Variants in MACROD2 observed in about 807,000 individuals in gnomAD.
MACROD2 encodes the protein ADP-ribose glycohydrolase MACROD2.
A neutral mutation model predicts 70.4 loss-of-function variants in MACROD2; 36 were observed. The ratio of observed to expected loss-of-function variants is 0.51; its 90% CI spans 0.39 to 0.68. MACROD2 has a LOEUF of 0.68. MACROD2 is among the 30% of genes least tolerant of loss of function. MACROD2 has a pLI of 0.00. For missense variants in MACROD2, 496 were observed against 538.4 expected, an observed-to-expected ratio of 0.92 and a Z score of 0.78; for synonymous variants, 172 against 178.8, an observed-to-expected ratio of 0.96 and a Z score of 0.30.
chr20:15,073,503 ACACACACG>A (rs1184393238), intron 5 of MACROD2, among the ~76,000 whole-genome samples: 11 of 147,760 alleles, frequency 7.4e-5, no homozygotes, highest in Non-Finnish European at 1.5e-4. Flanking sequence ...ACACACACAC[ACACACACG>A]TACCACATTT....
chr20:15,312,128 A>G (rs2077759925), intron 6 of MACROD2, among the ~76,000 whole-genome samples: 1 of 152,210 alleles, frequency 6.6e-6, no homozygotes, highest in Non-Finnish European at 1.5e-5. Flanking sequence ...GTGTCAGACT[A>G]GAGAGACTAT....
intron 3 of MACROD2, among the ~76,000 whole-genome samples, chr20:14,454,706 C>T (rs111833167): frequency 1.5e-4 from 22 of 151,304 alleles, no homozygotes; most frequent in African/African-American, 4.8e-4. Context: ...TGATTTGTCC[C>T]TGCTACTCAG....
intron 6 of MACROD2, among the ~76,000 whole-genome samples, chr20:15,284,677 C>T (rs947501126): frequency 4.6e-5 from 7 of 152,040 alleles, no homozygotes; most frequent in African/African-American, 1.2e-4. Context: ...GAAAATTTTG[C>T]GAGTTGCCTA....
intron 3 of MACROD2, among the ~76,000 whole-genome samples, chr20:14,385,586 C>T (rs1293352999): frequency 2.0e-5 from 3 of 152,082 alleles, no homozygotes; most frequent in Non-Finnish European, 2.9e-5. Flanking sequence ...TATCTGTTTC[C>T]TTAACTGATT....
At chr20:15,215,096 G>C (rs175267) in intron 5 of MACROD2, among the ~76,000 whole-genome samples, 1 of 151,980 alleles carries the variant, frequency 6.6e-6, no homozygotes, top group Non-Finnish European at 1.5e-5. Flanking sequence ...GTAAATCCAT[G>C]TTTATTTAAA....
intron 6 of MACROD2, among the ~76,000 whole-genome samples, chr20:15,282,809 G>A (rs920942080): frequency 3.3e-5 from 5 of 152,090 alleles, no homozygotes; most frequent in African/African-American, 1.2e-4. Context: ...CACATTCTGG[G>A]TATCTTTATT....
rs138228721 is a variant in MACROD2 at position 15,054,567 on chromosome 20, A to G, written c.419-175373A>G. Reference sequence around the variant, plus strand: ...TATTGCACCCTTAATCAGCTACAGTATACTACACACACAACTTTGATATAT... The same window carrying G: ...TATTGCACCCTTAATCAGCTACAGTGTACTACACACACAACTTTGATATAT... On this transcript the variant is annotated intron_variant, in intron 5 of 17. Transcript: ENST00000684519. Among the ~76,000 whole-genome samples, 624 of 152,300 alleles carry G rather than the reference A, an allele frequency of 4.1e-3. 5 individuals are homozygous for G. Among genetic ancestry groups the G allele is most frequent in the African/African-American group, 0.015 (604 of 41,562 alleles).
intron 7 of MACROD2, among the ~76,000 whole-genome samples, chr20:15,482,263 T>C (rs1446040753): frequency 3.9e-5 from 6 of 152,304 alleles, no homozygotes; most frequent in Middle Eastern, 3.4e-3. Context: ...CTAATAAGTA[T>C]GGTATAATAA....
rs147141000 is a variant in MACROD2 at position 14,140,958 on chromosome 20, T to C, written c.271+55230T>C. 7.1e-3 allele frequency among the ~76,000 whole-genome samples: 1,077 copies of C among 152,328 alleles called. 12 individuals are homozygous for C. Among genetic ancestry groups the C allele is most frequent in the African/African-American group, 0.025 (1,021 of 41,576 alleles). ...GCAGTTACTGTGATGAAGTTGATCATATTAGAGAGTCATTCAGGATACCTG... is the reference window on the plus strand; with the variant it reads ...GCAGTTACTGTGATGAAGTTGATCACATTAGAGAGTCATTCAGGATACCTG... On this transcript the variant is annotated intron_variant, in intron 3 of 17. Transcript: ENST00000684519.
chr20:15,518,236 T>G (rs1310812363), intron 8 of MACROD2, among the ~76,000 whole-genome samples: 1 of 152,230 alleles, frequency 6.6e-6, no homozygotes, highest in Non-Finnish European at 1.5e-5. Context: ...CGAGGTCAGA[T>G]TCATGCAGAG....
chr20:14,239,934 T>A (rs1401119017), intron 3 of MACROD2, among the ~76,000 whole-genome samples: 1 of 152,216 alleles, frequency 6.6e-6, no homozygotes, highest in Non-Finnish European at 1.5e-5. Flanking sequence ...GCTGCACATC[T>A]GACAAGGCTC....
intron 8 of MACROD2, among the ~76,000 whole-genome samples, chr20:15,717,006 A>T (rs1361988370): frequency 6.6e-6 from 1 of 152,228 alleles, no homozygotes; most frequent in Non-Finnish European, 1.5e-5. Context: ...AATATGATCA[A>T]CCATGAACCA....
At chr20:14,006,412 T>C (rs1354335459) in intron 2 of MACROD2, among the ~76,000 whole-genome samples, 3 of 152,222 alleles carry the variant, frequency 2.0e-5, no homozygotes, top group East Asian at 1.9e-4. Context: ...ATCACATATG[T>C]CATATAAATT....
Position 15,121,471 on chromosome 20 carries a change from C to T in MACROD2, c.419-108469C>T, listed in dbSNP as rs2076029815. Among the ~76,000 whole-genome samples, 2 of 146,476 alleles carry T rather than the reference C, an allele frequency of 1.4e-5. 1 individual carries two copies. Among genetic ancestry groups the T allele is most frequent in the Admixed American group, 1.4e-4 (2 of 14,416 alleles). ...GAGGTTGCAGTGAGCCGAGATCGAG[C>T]CATTGCACTCCAGCCTAGGCAACAA... On this transcript the variant is annotated intron_variant, in intron 5 of 17. Coordinates refer to ENST00000684519, the MANE Select transcript of MACROD2 (RefSeq NM_001351661.2).
chr20:14,013,629 G>A (rs2052945171), intron 2 of MACROD2, among the ~76,000 whole-genome samples: 2 of 148,192 alleles, frequency 1.3e-5, no homozygotes, highest in South Asian at 2.1e-4. Flanking sequence ...ATTGTGTATT[G>A]CAGTGTGTAC....
intron 6 of MACROD2, among the ~76,000 whole-genome samples, chr20:15,346,215 G>A (rs191329414): frequency 1.9e-4 from 29 of 152,176 alleles, no homozygotes; most frequent in South Asian, 1.2e-3. Context: ...GCCACCCAAA[G>A]TGCTGAAATT....
At chr20:14,514,575 T>C (rs1390141463) in intron 4 of MACROD2, among the ~76,000 whole-genome samples, 3 of 152,172 alleles carry the variant, frequency 2.0e-5, no homozygotes, top group Admixed American at 2.0e-4. Context: ...ACCTCTGTTC[T>C]GTTAAACCAC....
intron 17 of MACROD2, among the ~76,000 whole-genome samples, chr20:16,045,797 C>T (rs1207210155): frequency 6.6e-6 from 1 of 152,054 alleles, no homozygotes; most frequent in Non-Finnish European, 1.5e-5. Context: ...CAAAAGCAAT[C>T]AACCTAAAAG....
chr20:15,817,694 G>T (rs897437549), intron 8 of MACROD2, among the ~76,000 whole-genome samples: 2 of 151,960 alleles, frequency 1.3e-5, no homozygotes, highest in Admixed American at 1.3e-4. Context: ...ATCTCTCCTG[G>T]ATCACCACCA....
Sources: allele counts gnomAD v4.1 joint callset (sites outside exome capture counted in the v4.1 genomes callset), GRCh38; gene constraint gnomAD v4.1.1; transcripts MANE v1.5; gene names NCBI Gene and HGNC (gene_info 2026-07-23, HGNC 2026-07-21).